SUSD6: variants seen among roughly 807,000 people sequenced by gnomAD.
SUSD6 encodes the protein sushi domain containing 6, also known as sushi domain-containing protein 6.
SUSD6 carries 16 observed loss-of-function variants against 28.4 expected under a neutral mutation model. The ratio of observed to expected loss-of-function variants is 0.56; its 90% CI spans 0.38 to 0.86. The LOEUF is 0.86. SUSD6 is among the 40% of genes least tolerant of loss of function. SUSD6 has a pLI of 0.00. For missense variants in SUSD6, 341 were observed against 384.2 expected, an observed-to-expected ratio of 0.89 and a Z score of 0.94; for synonymous variants, 147 against 159.6, an observed-to-expected ratio of 0.92 and a Z score of 0.59.
At chr14:69,636,609 G>A (rs1294929855) in intron 1 of SUSD6, among the ~76,000 whole-genome samples, 1 of 152,220 alleles carries the variant, frequency 6.6e-6, no homozygotes, top group Non-Finnish European at 1.5e-5. Flanking sequence ...CTCCGGTACT[G>A]CCATGTGTGC....
chr14:69,669,195 C>T (rs570584764), intron 2 of SUSD6, among the ~76,000 whole-genome samples: 2 of 151,568 alleles, frequency 1.3e-5, no homozygotes, highest in African/African-American at 4.8e-5. Context: ...TCCCAAGTAG[C>T]TGGGATTACA....
intron 1 of SUSD6, among the ~76,000 whole-genome samples, chr14:69,650,668 T>C (rs928072257): frequency 7.2e-5 from 11 of 152,338 alleles, no homozygotes; most frequent in Non-Finnish European, 1.2e-4. Flanking sequence ...TCTGGTCTTA[T>C]TTGTTCTCTC....
At chr14:69,617,570 A>C (rs1264977630) in intron 1 of SUSD6, 3 of 152,268 alleles carry the variant, frequency 2.0e-5, no homozygotes, top group East Asian at 3.8e-4. Context: ...GAGAGTTGAC[A>C]GACGCGATAG....
chr14:69,701,241 G>C (rs1425986293), intron 2 of SUSD6, among the ~76,000 whole-genome samples: 1 of 151,416 alleles, frequency 6.6e-6, no homozygotes. Flanking sequence ...TGAGTGCTAG[G>C]TGACCGCCAG....
chr14:69,629,540 T>G (rs1297082033), intron 1 of SUSD6, among the ~76,000 whole-genome samples: 1 of 152,148 alleles, frequency 6.6e-6, no homozygotes, highest in Non-Finnish European at 1.5e-5. Context: ...CCTCAGAGGT[T>G]GTTAAGGGGC....
At chr14:69,644,641 C>CAA (rs548788280) in intron 1 of SUSD6, among the ~76,000 whole-genome samples, 2 of 134,056 alleles carry the variant, frequency 1.5e-5, no homozygotes, top group Non-Finnish European at 1.6e-5. Context: ...GACTCCGTCT[C>CAA]AAAAAAAAAA....
At chr14:69,651,218 A>T (rs1885499485) in intron 1 of SUSD6, among the ~76,000 whole-genome samples, 1 of 152,170 alleles carries the variant, frequency 6.6e-6, no homozygotes, top group Non-Finnish European at 1.5e-5. Context: ...TGCTGCAGTC[A>T]TCCTGCTGTT....
chr14:69,628,099 A>AT (rs1449372567), intron 1 of SUSD6, among the ~76,000 whole-genome samples: 6 of 151,614 alleles, frequency 4.0e-5, no homozygotes, highest in Non-Finnish European at 8.8e-5. Context: ...CGCCCAGGTA[A>AT]TTTTTGGATT....
intron 1 of SUSD6, among the ~76,000 whole-genome samples, chr14:69,644,155 G>A (rs1293882627): frequency 6.6e-6 from 1 of 152,096 alleles, no homozygotes; most frequent in Non-Finnish European, 1.5e-5. Context: ...TACCTCTCAA[G>A]GAATCTCGTA....
At chr14:69,700,731 A>G (rs939544043) in intron 2 of SUSD6, among the ~76,000 whole-genome samples, 1 of 152,188 alleles carries the variant, frequency 6.6e-6, no homozygotes, top group Non-Finnish European at 1.5e-5. Context: ...CACAAATCAC[A>G]TTATTTGACA....
intron 2 of SUSD6, among the ~76,000 whole-genome samples, chr14:69,693,746 A>G (rs1886184780): frequency 6.6e-6 from 1 of 152,222 alleles, no homozygotes; most frequent in African/African-American, 2.4e-5. Flanking sequence ...ACTAAGGCTC[A>G]GAGGAGTTAT....
intron 1 of SUSD6, among the ~76,000 whole-genome samples, chr14:69,639,987 G>A (rs1037533730): frequency 3.6e-5 from 5 of 138,918 alleles, no homozygotes; most frequent in African/African-American, 1.3e-4. Flanking sequence ...TTTGCGGGGG[G>A]AAGTGTGCAT....
At chr14:69,617,923 C>G (rs1326193890) in intron 1 of SUSD6, among the ~76,000 whole-genome samples, 1 of 152,040 alleles carries the variant, frequency 6.6e-6, no homozygotes, top group Non-Finnish European at 1.5e-5. Flanking sequence ...TTAGAGCAGC[C>G]CCCACAGGGC....
chr14:69,693,170 A>G (rs28538272), intron 2 of SUSD6, among the ~76,000 whole-genome samples: 6,080 of 152,228 alleles, frequency 0.04, 434 homozygotes, highest in African/African-American at 0.14. Flanking sequence ...GTACTGACCT[A>G]TAGCAGTGGT....
intron 2 of SUSD6, among the ~76,000 whole-genome samples, chr14:69,682,856 C>T (rs1886017004): frequency 6.6e-6 from 1 of 151,956 alleles, no homozygotes; most frequent in African/African-American, 2.4e-5. Flanking sequence ...CCCTGTCTCT[C>T]CTAGAACAGG....
At position 69,694,876 on chromosome 14, in the gene SUSD6, G is replaced by A. The variant is rs375874590; in HGVS notation, c.122-8519G>A. Among the ~76,000 whole-genome samples the A allele has an allele frequency of 5.3e-4, 81 of 152,272 alleles. 1 individual carries two copies. Among genetic ancestry groups the A allele is most frequent in the African/African-American group, 1.9e-3 (79 of 41,552 alleles). On this transcript the variant is annotated intron_variant, in intron 2 of 5. Coordinates refer to ENST00000342745, the MANE Select transcript of SUSD6 (RefSeq NM_014734.4). ...CTGTCAGTTGCTGATCTTCCGAGGA[G>A]GGCTTAGGTTGAGCCTCTCTTAGGA... is the stretch of plus-strand genomic sequence containing the variant.
rs376719577 is a variant in SUSD6 at position 69,710,989 on chromosome 14, C to T, written c.*10C>T. 1.4e-4 allele frequency: 220 copies of T among 1,613,720 alleles called. No homozygotes were observed. Among genetic ancestry groups the T allele is most frequent in the Non-Finnish European group, 6.2e-5 (73 of 1,179,760 alleles). On this transcript the variant is annotated 3_prime_UTR_variant, in exon 6 of 6. Coordinates refer to ENST00000342745, the MANE Select transcript of SUSD6 (RefSeq NM_014734.4). ...GTTGAAAGAAGCATGAGGGCAGCGGCCAGCCTTTCCTCTCTGCGAGGTTCT... is the reference window on the plus strand; with the variant it reads ...GTTGAAAGAAGCATGAGGGCAGCGGTCAGCCTTTCCTCTCTGCGAGGTTCT...
intron 5 of SUSD6, among the ~76,000 whole-genome samples, chr14:69,709,976 T>G (rs1886439256): frequency 6.6e-6 from 1 of 152,206 alleles, no homozygotes; most frequent in South Asian, 2.1e-4. Context: ...ATAGTAAATG[T>G]CTAAGGTTTA....
chr14:69,682,988 A>G (rs1271016757), intron 2 of SUSD6, among the ~76,000 whole-genome samples: 1 of 46,086 alleles, frequency 2.2e-5, no homozygotes, highest in African/African-American at 7.8e-5. Flanking sequence ...GGGAATTTTT[A>G]CTTTCCTCTT....
Sources: allele counts gnomAD v4.1 joint callset (sites outside exome capture counted in the v4.1 genomes callset), GRCh38; gene constraint gnomAD v4.1.1; transcripts MANE v1.5; gene names NCBI Gene and HGNC (gene_info 2026-07-23, HGNC 2026-07-21).